The following TARS3 variants were observed in gnomAD, a reference collection of about 807,000 sequenced individuals.
TARS3 encodes threonine--tRNA ligase 2, cytoplasmic.
In TARS3, 94 loss-of-function variants were observed where a neutral mutation model predicts 103.5. The ratio of observed to expected loss-of-function variants is 0.91; its 90% CI spans 0.77 to 1.08. The LOEUF (loss-of-function observed/expected upper bound fraction) is 1.08, where lower values mean the gene tolerates loss of function less well. TARS3 is among the 50% of genes least tolerant of loss of function. The pLI, the probability that TARS3 is intolerant of heterozygous loss-of-function variation, is 0.00. For missense variants in TARS3, 952 were observed against 995.2 expected, an observed-to-expected ratio of 0.96 and a Z score of 0.58; for synonymous variants, 416 against 355.4, an observed-to-expected ratio of 1.17 and a Z score of -1.92.
At chr15:101,673,779 T>C (rs921513510) in intron 13 of TARS3, among the ~76,000 whole-genome samples, 1 of 152,120 alleles carries the variant, frequency 6.6e-6, no homozygotes, top group Non-Finnish European at 1.5e-5. Context: ...CACGGGTCAG[T>C]GGGGAGGAGA....
At chr15:101,697,820 T>A (rs1464077021) in intron 10 of TARS3, among the ~76,000 whole-genome samples, 2 of 152,184 alleles carry the variant, frequency 1.3e-5, no homozygotes, top group East Asian at 3.8e-4. Flanking sequence ...CTGAAGACTC[T>A]GCAGTGTACT....
chr15:101,666,102 T>C (rs1897566976), intron 15 of TARS3, among the ~76,000 whole-genome samples: 1 of 152,202 alleles, frequency 6.6e-6, no homozygotes, highest in Admixed American at 6.5e-5. Flanking sequence ...TTTCCCTTCA[T>C]AAATTTTATT....
intron 15 of TARS3, among the ~76,000 whole-genome samples, chr15:101,664,610 A>G (rs1237671048): frequency 6.6e-6 from 1 of 152,218 alleles, no homozygotes; most frequent in African/African-American, 2.4e-5. Flanking sequence ...GGAAATTTCC[A>G]CCTGAACCTA....
intron 18 of TARS3, among the ~76,000 whole-genome samples, chr15:101,655,018 A>C (rs965865945): frequency 1.3e-5 from 2 of 151,800 alleles, no homozygotes; most frequent in African/African-American, 4.8e-5. Context: ...ACTAGGGCGC[A>C]AATGAGAGCG....
chr15:101,693,734 G>A (rs560583852), intron 10 of TARS3, among the ~76,000 whole-genome samples: 11 of 152,290 alleles, frequency 7.2e-5, no homozygotes, highest in African/African-American at 9.6e-5. Flanking sequence ...GCAGAGGCCC[G>A]CTGGGGACAC....
chr15:101,662,335 TGCACAA>T (rs1897414103), intron 15 of TARS3, among the ~76,000 whole-genome samples: 1 of 152,234 alleles, frequency 6.6e-6, no homozygotes, highest in Admixed American at 6.5e-5. Flanking sequence ...TCAAGATCTC[TGCACAA>T]GCACAAGCTT....
At chr15:101,687,589 AG>A (rs749722503) in intron 10 of TARS3, among the ~76,000 whole-genome samples, 52 of 152,022 alleles carry the variant, frequency 3.4e-4, no homozygotes, top group Non-Finnish European at 6.5e-4. Context: ...AGTCTAGCTC[AG>A]GAGATACTGC....
intron 8 of TARS3, among the ~76,000 whole-genome samples, chr15:101,702,932 T>G (rs1474923544): frequency 6.6e-6 from 1 of 152,134 alleles, no homozygotes; most frequent in Non-Finnish European, 1.5e-5. Flanking sequence ...GGAATGACAG[T>G]GAGAGCACAC....
chr15:101,656,326 A>G (rs1409354344), intron 18 of TARS3, among the ~76,000 whole-genome samples: 4 of 152,256 alleles, frequency 2.6e-5, no homozygotes, highest in African/African-American at 7.2e-5. Flanking sequence ...AATGCTATGC[A>G]TATTTATTTC....
At chr15:101,722,176 A>G (rs1900500278) in intron 2 of TARS3, among the ~76,000 whole-genome samples, 1 of 150,936 alleles carries the variant, frequency 6.6e-6, no homozygotes, top group Non-Finnish European at 1.5e-5. Flanking sequence ...GGTCCACCTC[A>G]AAGCCTGCCT....
chr15:101,657,654 C>A, intron 17 of TARS3, 131 bp downstream of exon 17: 1 of 542,780 alleles, frequency 1.8e-6, no homozygotes, highest in South Asian at 3.0e-5. Flanking sequence ...GTTACTCCCA[C>A]CTGCTGAAAA....
intron 16 of TARS3, among the ~76,000 whole-genome samples, chr15:101,661,042 G>A (rs891871219): frequency 1.3e-5 from 2 of 152,038 alleles, no homozygotes; most frequent in African/African-American, 4.8e-5. Flanking sequence ...ACTAGAGCCT[G>A]TGCATCCATG....
chr15:101,671,714 G>A lies in TARS3; in HGVS notation c.1823C>T (p.Pro608Leu). 5.6e-6 allele frequency: 9 copies of A among 1,613,886 alleles called. No individual in the cohort carries two copies. Among genetic ancestry groups the A allele is most frequent in the Non-Finnish European group, 7.6e-6 (9 of 1,179,970 alleles). The change falls in exon 14 of 19, where the codon CCG (proline) becomes CTG (leucine). Residue 608 changes from proline to leucine, a missense_variant. Physicochemically the swap from Pro to Leu is moderately conservative, Grantham distance 98 (BLOSUM62 -3). This residue lies in a region of TARS3 where 540 missense variants were observed against 631.0 expected (regional missense o/e 0.86). Coordinates refer to ENST00000335968, the MANE Select transcript of TARS3 (RefSeq NM_152334.3). Reference protein sequence around the residue: ...LQNSLMDFGEPWKMNPGDGAF... With the variant: ...LQNSLMDFGELWKMNPGDGAF... ...TCCATCTCCTGGGTTCATTTTCCAC[G>A]GTTCTCCAAAGTCCATCAAGCTGTT...
chr15:101,685,609 A>G (rs1458469966), intron 11 of TARS3, among the ~76,000 whole-genome samples: 10 of 152,192 alleles, frequency 6.6e-5, no homozygotes, highest in Admixed American at 3.3e-4. Context: ...GTGCATTACT[A>G]TAAGAAAGAC....
intron 13 of TARS3, among the ~76,000 whole-genome samples, chr15:101,673,087 C>T (rs1215794278): frequency 1.3e-5 from 2 of 152,148 alleles, no homozygotes; most frequent in Non-Finnish European, 2.9e-5. Context: ...CCATTTCAGA[C>T]ACTTCTGAAG....
In TARS3 at chr15:101,724,459, C is replaced by G; in HGVS notation, c.-72G>C. On this transcript the variant is annotated 5_prime_UTR_variant, in exon 1 of 19. Transcript: ENST00000335968. ...CGGCGAGGGCGACGCGGACACTCAG[C>G]GCACGGCAGAAGACAGGGCTCCCGG... The G allele has an allele frequency of 1.5e-5, 20 of 1,350,172 alleles. No individual in the cohort carries two copies. The highest frequency in any genetic ancestry group is 1.9e-5 in the Non-Finnish European group (20 of 1,058,542). The allele number at this position is 1,350,172 out of a possible 1,614,324, so 83.6% of individuals were successfully genotyped here. A position where few individuals can be genotyped will look rare whatever the true frequency, so the allele number is the denominator to read the frequency against.
intron 5 of TARS3, among the ~76,000 whole-genome samples, chr15:101,709,794 G>C (rs1442972284): frequency 6.6e-6 from 1 of 152,216 alleles, no homozygotes; most frequent in Non-Finnish European, 1.5e-5. Context: ...ACGAATACTG[G>C]AGCCATGTTA....
intron 16 of TARS3, among the ~76,000 whole-genome samples, chr15:101,659,921 C>T (rs1045392094): frequency 2.6e-5 from 4 of 152,140 alleles, no homozygotes; most frequent in African/African-American, 9.7e-5. Context: ...AACTTTCCAC[C>T]TTATGTTTCC....
chr15:101,709,635 C>T (rs535361678), intron 5 of TARS3, among the ~76,000 whole-genome samples: 3 of 152,190 alleles, frequency 2.0e-5, no homozygotes, highest in South Asian at 2.1e-4. Context: ...TTCCTATAGT[C>T]ATCACCACCC....
Sources: allele counts gnomAD v4.1 joint callset (sites outside exome capture counted in the v4.1 genomes callset), GRCh38; gene constraint gnomAD v4.1.1; regional missense constraint gnomAD v4.1.1; transcripts MANE v1.5; gene names NCBI Gene and HGNC (gene_info 2026-07-23, HGNC 2026-07-21).